The following TMTC1 variants were observed in gnomAD, a reference collection of about 807,000 sequenced individuals.
TMTC1 encodes transmembrane O-mannosyltransferase targeting cadherins 1.
Under a neutral mutation model 104.8 loss-of-function variants are expected in TMTC1, and 73 were observed. That is an observed-to-expected ratio of 0.70 (90% CI 0.58 to 0.85). The LOEUF (loss-of-function observed/expected upper bound fraction) is 0.85. Ranked by LOEUF, TMTC1 falls within the 40% of genes least tolerant of loss-of-function variation. TMTC1 has a pLI of 0.00. For missense variants in TMTC1, 1,035 were observed against 1,096.1 expected, an observed-to-expected ratio of 0.94 and a Z score of 0.79; for synonymous variants, 434 against 428.7, an observed-to-expected ratio of 1.01 and a Z score of -0.15.
At chr12:29,728,998 CA>C (rs34267484) in intron 5 of TMTC1, among the ~76,000 whole-genome samples, 11,762 of 68,678 alleles carry the variant, frequency 0.17, 471 homozygotes, top group Admixed American at 0.27. Flanking sequence ...ACTCCATCTC[CA>C]AAAAAAAAAA....
chr12:29,552,932 G>A (rs1452248781), intron 10 of TMTC1, among the ~76,000 whole-genome samples: 1 of 152,138 alleles, frequency 6.6e-6, no homozygotes, highest in Non-Finnish European at 1.5e-5. Context: ...TTGACCCATT[G>A]CTATGGCTCA....
At chr12:29,560,889 T>C (rs958797646) in intron 9 of TMTC1, among the ~76,000 whole-genome samples, 30 of 152,024 alleles carry the variant, frequency 2.0e-4, no homozygotes, top group African/African-American at 7.0e-4. Context: ...AAGCAAAAAA[T>C]AGAAGGCGGG....
In TMTC1 at chr12:29,583,563, C is replaced by T; in HGVS notation, c.1262G>A (p.Cys421Tyr). 6.2e-7 allele frequency: 1 copy of T among 1,612,656 alleles called. No homozygotes were observed. Among genetic ancestry groups the T allele is most frequent in the Non-Finnish European group, 8.5e-7 (1 of 1,179,300 alleles). ...RVLYMPSMGY[C>Y]ILFVHGLSKL... is the part of the protein sequence containing the mutation. ...GCTCAGTCCATGCACAAAAAGGATGCAGTAGCCCATGCTGGAAAACAGGGT... is the reference window on the plus strand; with the variant it reads ...GCTCAGTCCATGCACAAAAAGGATGTAGTAGCCCATGCTGGAAAACAGGGT... Residue 421 changes from cysteine to tyrosine, a missense_variant, in exon 8 of 18, where the codon TGC (cysteine) becomes TAC (tyrosine). By Grantham distance (194) the Cys-to-Tyr change is radical. Coordinates refer to ENST00000539277, the MANE Select transcript of TMTC1 (RefSeq NM_001193451.2).
At chr12:29,708,172 A>G (rs993765424) in intron 5 of TMTC1, among the ~76,000 whole-genome samples, 1 of 152,248 alleles carries the variant, frequency 6.6e-6, no homozygotes, top group Non-Finnish European at 1.5e-5. Flanking sequence ...AGAAAATGTG[A>G]TAACAGCTAA....
At chr12:29,532,449 A>G (rs1944530933) in intron 11 of TMTC1, 1 of 152,176 alleles carries the variant, frequency 6.6e-6, no homozygotes, top group Non-Finnish European at 1.5e-5. Flanking sequence ...AGGAATCCAA[A>G]TGTCCCAGCA....
chr12:29,552,286 A>T (rs1945126179), intron 10 of TMTC1, among the ~76,000 whole-genome samples: 2 of 152,204 alleles, frequency 1.3e-5, no homozygotes, highest in African/African-American at 4.8e-5. Context: ...AAAAAAAAGA[A>T]TGCACACCAT....
intron 5 of TMTC1, among the ~76,000 whole-genome samples, chr12:29,658,047 C>G (rs1188504958): frequency 6.6e-6 from 1 of 152,010 alleles, no homozygotes; most frequent in African/African-American, 2.4e-5. Flanking sequence ...GAGCCGAGAT[C>G]ACGCCACTGC....
At chr12:29,529,709 A>G (rs534034681) in intron 11 of TMTC1, among the ~76,000 whole-genome samples, 20 of 152,276 alleles carry the variant, frequency 1.3e-4, no homozygotes, top group African/African-American at 4.1e-4. Context: ...TCCTCCACCC[A>G]TATGTCATCA....
At position 29,783,615 on chromosome 12, in the gene TMTC1, T is replaced by G; in HGVS notation, c.137A>C (p.Gln46Pro). The G allele has an allele frequency of 6.8e-7, 1 of 1,469,796 alleles. No homozygotes were observed. The highest frequency in any genetic ancestry group is 9.0e-7 in the Non-Finnish European group (1 of 1,113,650). 91.0% of individuals were successfully genotyped at this position (1,469,796 alleles called of 1,614,324 possible). ...CACGTCGTCGTGCACGAACTCGCCC[T>G]GCAGGGAGCGGCCGTAGCACAGGCA... Reference protein sequence around the residue: ...ASCLCYGRSLQGEFVHDDVWA... With the variant: ...ASCLCYGRSLPGEFVHDDVWA... The change falls in exon 1 of 18, where the codon CAG becomes CCG. Residue 46 changes from glutamine to proline, a missense_variant. Physicochemically the swap from Gln to Pro is moderately conservative, Grantham distance 76. Coordinates refer to ENST00000539277, the MANE Select transcript of TMTC1 (RefSeq NM_001193451.2). This position sits in a 1 kb window ranked among gnomAD's most constrained non-coding sequence, Gnocchi z 4.7.
intron 5 of TMTC1, among the ~76,000 whole-genome samples, chr12:29,748,682 T>C (rs1292123938): frequency 6.6e-6 from 1 of 152,230 alleles, no homozygotes; most frequent in Non-Finnish European, 1.5e-5. Context: ...TAGCCCCCTT[T>C]CTGGTACATA....
rs760717135 is a variant in TMTC1, at chr12:29,583,477, G to A, written c.1348C>T (p.Leu450=). 3.1e-6 allele frequency: 5 copies of A among 1,613,946 alleles called. No homozygotes were observed. The highest frequency in any genetic ancestry group is 2.2e-5 in the East Asian group (1 of 44,836). Residue 450 remains leucine, a synonymous_variant, in exon 8 of 18, where the codon CTG becomes TTG. Transcript: ENST00000539277. ...GTTTTCCAAGAGAAAAGCAACAGCA[G>A]CAACACAGTGGACACAATCAGGGTG... ...ATTLIVSTVL[L]LLLFSWKTVK...
intron 8 of TMTC1, among the ~76,000 whole-genome samples, chr12:29,578,462 TA>T (rs1218611476): frequency 6.6e-6 from 1 of 152,188 alleles, no homozygotes; most frequent in Non-Finnish European, 1.5e-5. Flanking sequence ...TTCCAGTTAT[TA>T]TCATGGAAAC....
At chr12:29,670,943 AG>A (rs1940483802) in intron 5 of TMTC1, among the ~76,000 whole-genome samples, 2 of 112,898 alleles carry the variant, frequency 1.8e-5, no homozygotes, top group Non-Finnish European at 3.5e-5. Context: ...TCAAAAAAAA[AG>A]AAAAAAAAGG....
At chr12:29,526,417 C>G (rs543486521) in intron 11 of TMTC1, among the ~76,000 whole-genome samples, 14 of 152,074 alleles carry the variant, frequency 9.2e-5, no homozygotes, top group Non-Finnish European at 1.8e-4. Flanking sequence ...TGAATTGGAC[C>G]ATAGAAGTTT....
chr12:29,587,271 C>T (rs538251939), intron 7 of TMTC1, among the ~76,000 whole-genome samples: 5 of 151,962 alleles, frequency 3.3e-5, no homozygotes, highest in Non-Finnish European at 7.4e-5. Context: ...TCTGTGAGAT[C>T]GGTGGTGATA....
chr12:29,516,392 C>A lies in TMTC1; in HGVS notation c.2264G>T (p.Arg755Leu). ...CTTGCTATAGATGGCTGACAAGAGG[C>A]GATAGCATTCAAGGCATCCGGTCTC... ...SEETGCLECY[R>L]LLSAIYSKQE... Residue 755 changes from arginine to leucine, a missense_variant, in exon 15 of 18, where the codon CGC becomes CTC. Coordinates refer to ENST00000539277, the MANE Select transcript of TMTC1 (RefSeq NM_001193451.2). 6.2e-7 allele frequency: 1 copy of A among 1,613,896 alleles called. No homozygotes were observed. The highest frequency in any genetic ancestry group is 8.5e-7 in the Non-Finnish European group (1 of 1,179,944).
intron 5 of TMTC1, among the ~76,000 whole-genome samples, chr12:29,696,890 A>C (rs1336704174): frequency 6.6e-6 from 1 of 152,224 alleles, no homozygotes; most frequent in Non-Finnish European, 1.5e-5. Flanking sequence ...ACTTATGACA[A>C]CATAGAAGGA....
intron 5 of TMTC1, among the ~76,000 whole-genome samples, chr12:29,734,354 T>A (rs1343083333): frequency 6.6e-6 from 1 of 152,170 alleles, no homozygotes; most frequent in Non-Finnish European, 1.5e-5. Flanking sequence ...ATGCTCTGAT[T>A]TTTTCAAGTG....
At chr12:29,519,261 C>G (rs1195822091) in intron 12 of TMTC1, 1 of 152,074 alleles carries the variant, frequency 6.6e-6, no homozygotes, top group African/African-American at 2.4e-5. Flanking sequence ...AATTTAGCTG[C>G]CTTTTGATAC....
Sources: gnomAD v4.1 joint callset for allele counts (sites outside exome capture counted in the v4.1 genomes callset) on GRCh38, gnomAD v4.1.1 for gene constraint, Gnocchi (gnomAD v3.1) non-coding constraint, MANE v1.5 for transcripts, NCBI Gene and HGNC (gene_info 2026-07-23, HGNC 2026-07-21) for gene names.